Variants in FBXO10 observed in about 807,000 individuals in gnomAD.
FBXO10 encodes the protein F-box protein 10.
A neutral mutation model predicts 80.7 loss-of-function variants in FBXO10; 39 were observed. That is an observed-to-expected ratio of 0.48 (90% CI 0.37 to 0.63). The LOEUF (loss-of-function observed/expected upper bound fraction) is 0.63, where lower values mean the gene tolerates loss of function less well. Ranked by LOEUF, FBXO10 falls within the 30% of genes least tolerant of loss-of-function variation. FBXO10 has a pLI of 0.00. For synonymous variants in FBXO10, 449 were observed against 489.6 expected (o/e 0.92, Z 1.09); for missense variants, 1,025 against 1,269.0 (o/e 0.81, Z 2.92).
chr9:37,556,193 T>C (rs1471818960), intron 1 of FBXO10, among the ~76,000 whole-genome samples: 1 of 152,236 alleles, frequency 6.6e-6, no homozygotes. Flanking sequence ...TGTCAATCCT[T>C]ATGCCAGCAC....
At chr9:37,556,695 C>T (rs924312380) in intron 1 of FBXO10, among the ~76,000 whole-genome samples, 9 of 151,860 alleles carry the variant, frequency 5.9e-5, no homozygotes, top group African/African-American at 1.7e-4. Flanking sequence ...AGGTGTGTGC[C>T]GCCACGCCCG....
At chr9:37,553,924 A>AG (rs1282340259) in intron 1 of FBXO10, among the ~76,000 whole-genome samples, 2 of 150,740 alleles carry the variant, frequency 1.3e-5, no homozygotes, top group Non-Finnish European at 3.0e-5. Context: ...CTCAAAAAAA[A>AG]AAAAAAAAAA....
intron 1 of FBXO10, among the ~76,000 whole-genome samples, chr9:37,568,741 G>C (rs998977561): frequency 2.0e-5 from 3 of 152,020 alleles, no homozygotes; most frequent in African/African-American, 7.3e-5. Context: ...AGTTCATGTG[G>C]TCTAAGGTCG....
intron 1 of FBXO10, among the ~76,000 whole-genome samples, chr9:37,547,329 C>T (rs1822081430): frequency 1.3e-5 from 2 of 152,196 alleles, no homozygotes; most frequent in Admixed American, 6.5e-5. Context: ...GTGGCAGACG[C>T]CTATAATCCC....
chr9:37,541,889 T>C (rs41278311), intron 1 of FBXO10, 115 bp from the exon 2 acceptor site: 76,614 of 865,052 alleles, frequency 0.089, 3,921 homozygotes, highest in African/African-American at 0.16. Context: ...AGTGCAGTGG[T>C]GCGATCTTGG....
In FBXO10 at chr9:37,518,101, TCACA is replaced by T. The variant is rs1243331615; in HGVS notation, c.2514+20_2514+23del. 6.3e-7 allele frequency: 1 copy of T among 1,592,232 alleles called. No homozygotes were observed. ...TTGTGCCCTGTGTGGGCACCACACG[TCACA>T]CACATGCAGACATACTCACTTTAGT... On this transcript the variant is annotated intron_variant, in intron 9 of 10. Transcript: ENST00000432825.
At chr9:37,544,226 G>A (rs770973636) in intron 1 of FBXO10, among the ~76,000 whole-genome samples, 8 of 152,010 alleles carry the variant, frequency 5.3e-5, no homozygotes, top group Non-Finnish European at 1.0e-4. Context: ...CCGAGATCGT[G>A]CCACTATACT....
intron 8 of FBXO10, among the ~76,000 whole-genome samples, chr9:37,520,787 G>A (rs1048013221): frequency 6.6e-5 from 10 of 152,166 alleles, no homozygotes; most frequent in Non-Finnish European, 1.2e-4. Flanking sequence ...GTTGAATTTT[G>A]AGAAATGTAT....
In FBXO10 at chr9:37,537,269, G is replaced by A. The variant is rs1285587078; in HGVS notation, c.1260C>T (p.Ala420=). The A allele has an allele frequency of 6.2e-7, 1 of 1,613,810 alleles. No homozygotes were observed. The highest frequency in any genetic ancestry group is 2.2e-5 in the East Asian group (1 of 44,888). Residue 420 remains alanine (A), a synonymous_variant, in exon 3 of 11, where the codon GCC becomes GCT. Coordinates refer to ENST00000432825, the MANE Select transcript of FBXO10 (RefSeq NM_012166.3). ...LQQELQKDKE[A]MALANSVQGC... ...CCTGCACGGAGTTGGCCAGTGCCAT[G>A]GCCTCCTTATCCTTCTGCAGCTCCT...
chr9:37,523,320 C>T (rs150209060), intron 6 of FBXO10, among the ~76,000 whole-genome samples: 3 of 152,124 alleles, frequency 2.0e-5, no homozygotes, highest in Admixed American at 1.3e-4. Context: ...GAGGCCAAGG[C>T]GGGTAGATCA....
chr9:37,547,607 A>C (rs1050674058), intron 1 of FBXO10, among the ~76,000 whole-genome samples: 1 of 151,990 alleles, frequency 6.6e-6, no homozygotes, highest in African/African-American at 2.4e-5. Context: ...CAAGACTCTT[A>C]TCTCAAAAAA....
chr9:37,511,598 T>C lies in FBXO10; in HGVS notation c.*949A>G, dbSNP rs1821055494. ...AGGGAGAGCTATGTGGAGGTGGCAGTGTCTCGGCTAAACCTTGAGGAACGA... is the reference window on the plus strand; with the variant it reads ...AGGGAGAGCTATGTGGAGGTGGCAGCGTCTCGGCTAAACCTTGAGGAACGA... On this transcript the variant is annotated 3_prime_UTR_variant, in exon 11 of 11. Transcript: ENST00000432825. The C allele has an allele frequency of 6.5e-6, 1 of 152,988 alleles. No homozygotes were observed. Among genetic ancestry groups the C allele is most frequent in the Non-Finnish European group, 1.5e-5 (1 of 68,352 alleles). 9.5% of individuals were successfully genotyped at this position (152,988 alleles called of 1,614,324 possible).
At position 37,521,604 on chromosome 9, in the gene FBXO10, G is replaced by A; in HGVS notation, c.2165C>T (p.Ala722Val). 1.2e-6 allele frequency: 2 copies of A among 1,613,824 alleles called. No homozygotes were observed. Among genetic ancestry groups the A allele is most frequent in the African/African-American group, 1.3e-5 (1 of 75,048 alleles). ...DDPLRRPITI[A>V]LVESNSINHN... is the part of the protein sequence containing the mutation. ...ATTAATACTGTTAGACTCAACAAGAGCTATGGTGATGGGCCGGCGCAGTGG... is the reference window on the plus strand; with the variant it reads ...ATTAATACTGTTAGACTCAACAAGAACTATGGTGATGGGCCGGCGCAGTGG... The change falls in exon 8 of 11, where the codon GCT (alanine) becomes GTT (valine). Residue 722 changes from alanine (A) to valine (V), a missense_variant. This residue lies in a region of FBXO10 where 478 missense variants were observed against 667.8 expected (regional missense o/e 0.72). Transcript: ENST00000432825.
intron 1 of FBXO10, among the ~76,000 whole-genome samples, chr9:37,560,126 T>C (rs1200995757): frequency 1.3e-5 from 2 of 152,168 alleles, no homozygotes; most frequent in South Asian, 2.1e-4. Context: ...CTGTCTATTA[T>C]AGATTCCTCA....
At position 37,518,210 on chromosome 9, in the gene FBXO10, T is replaced by G. The variant is rs771707966; in HGVS notation, c.2429A>C (p.Lys810Thr). Residue 810 changes from lysine (K) to threonine (T), a missense_variant, in exon 9 of 11, where the codon AAG (lysine) becomes ACG (threonine). By Grantham distance (78) the Lys-to-Thr change is moderately conservative. Transcript: ENST00000432825. The stretch of plus-strand genomic sequence containing the variant: ...TTCAATGACGATGGTGCTGTCGCCC[T>G]TGGTGATAATGCCGTGGCCTCTGTT... ...YDNRGHGIIT[K>T]GDSTIVIEND... The G allele has an allele frequency of 1.9e-6, 3 of 1,613,972 alleles. No individual in the cohort carries two copies. In the African/African-American group the frequency reaches 4.0e-5, roughly 22 times the overall value.
intron 1 of FBXO10, among the ~76,000 whole-genome samples, chr9:37,559,609 G>A (rs1392873695): frequency 2.0e-5 from 3 of 152,210 alleles, no homozygotes; most frequent in Admixed American, 2.0e-4. Flanking sequence ...CACATGACAA[G>A]ATTGTACATC....
intron 2 of FBXO10, 106 bp from the exon 3 acceptor site, chr9:37,538,049 G>T: frequency 2.4e-6 from 2 of 838,598 alleles, no homozygotes; most frequent in Non-Finnish European, 3.8e-6. Flanking sequence ...TTGTTCTGCT[G>T]ATCATCTTCC....
At chr9:37,532,289 T>C (rs1821647657) in intron 3 of FBXO10, among the ~76,000 whole-genome samples, 1 of 147,314 alleles carries the variant, frequency 6.8e-6, no homozygotes. Context: ...GGTCTCACAT[T>C]GGTTCTTTTT....
chr9:37,541,127 G>T, intron 2 of FBXO10, 57 bp downstream of exon 2: 3 of 1,452,428 alleles, frequency 2.1e-6, no homozygotes. Context: ...GCCCAGAAAA[G>T]AGGGCAAGCC....
Sources: allele counts gnomAD v4.1 joint callset (sites outside exome capture counted in the v4.1 genomes callset), GRCh38; gene constraint gnomAD v4.1.1; regional missense constraint gnomAD v4.1.1; transcripts MANE v1.5; gene names NCBI Gene and HGNC (gene_info 2026-07-23, HGNC 2026-07-21).